Variants in PAX3 observed in about 807,000 individuals in gnomAD.
PAX3 encodes the protein paired box protein Pax-3.
PAX3 carries 14 observed loss-of-function variants against 51.6 expected under a neutral mutation model. That is an observed-to-expected ratio of 0.27 (90% CI 0.18 to 0.42). PAX3 has a LOEUF of 0.42. Ranked by LOEUF, PAX3 falls within the 10% of genes least tolerant of loss-of-function variation. The pLI is 1.00. For missense variants in PAX3, 540 were observed against 642.8 expected (o/e 0.84, Z 1.73); for synonymous variants, 280 against 253.4 (o/e 1.11, Z -1.00).
intron 4 of PAX3, among the ~76,000 whole-genome samples, chr2:222,234,844 G>A (rs865925639): frequency 2.6e-5 from 4 of 152,108 alleles, no homozygotes; most frequent in East Asian, 3.8e-4. Flanking sequence ...AACAAATTAC[G>A]TATTCCCCTA....
intron 4 of PAX3, among the ~76,000 whole-genome samples, chr2:222,286,288 G>A (rs181856222): frequency 9.2e-5 from 14 of 152,340 alleles, no homozygotes; most frequent in Admixed American, 3.9e-4. Context: ...TCCAAGATGC[G>A]TGGGGAATTG....
chr2:222,264,464 T>C (rs1312028311), intron 4 of PAX3: 1 of 152,224 alleles, frequency 6.6e-6, no homozygotes, highest in East Asian at 1.9e-4. Context: ...TAGAACTAGA[T>C]AGATCTGGTG....
chr2:222,267,440 C>T (rs1694092154), intron 4 of PAX3, among the ~76,000 whole-genome samples: 1 of 152,082 alleles, frequency 6.6e-6, no homozygotes, highest in African/African-American at 2.4e-5. Context: ...TCAAAATATG[C>T]TATGTATTTT....
At chr2:222,206,231 A>G (rs1168138029) in intron 7 of PAX3, among the ~76,000 whole-genome samples, 1 of 152,066 alleles carries the variant, frequency 6.6e-6, no homozygotes, top group Non-Finnish European at 1.5e-5. Context: ...AAGGCTACCC[A>G]GTTCTGTCTC....
chr2:222,221,197 A>T, intron 6 of PAX3, 25 bp downstream of exon 6: 1 of 1,611,892 alleles, frequency 6.2e-7, no homozygotes, highest in Non-Finnish European at 8.5e-7. Context: ...GTTACTTTCT[A>T]ATCTCCTTGA....
intron 4 of PAX3, among the ~76,000 whole-genome samples, chr2:222,289,957 G>A (rs552535031): frequency 7.4e-4 from 112 of 152,274 alleles, no homozygotes; most frequent in African/African-American, 2.5e-3. Context: ...CTTGGAAAGT[G>A]GGCTGGTCTG....
At chr2:222,279,327 G>A (rs528291627) in intron 4 of PAX3, among the ~76,000 whole-genome samples, 1 of 151,536 alleles carries the variant, frequency 6.6e-6, no homozygotes, top group Non-Finnish European at 1.5e-5. Context: ...GTGTGTGTGT[G>A]TGTGGTGTAG....
chr2:222,220,310 G>A lies in PAX3; in HGVS notation c.1003C>T (p.Pro335Ser), dbSNP rs151199924. The A allele has an allele frequency of 7.2e-4, 1,169 of 1,614,090 alleles. 20 individuals are homozygous for A. The South Asian group carries it at 0.012, about 17-fold the overall frequency. Residue 335 changes from proline (P) to serine (S), a missense_variant, in exon 7 of 9, where the codon CCT (proline) becomes TCT (serine). This residue lies in a region of PAX3 where 427 missense variants were observed against 483.6 expected (regional missense o/e 0.88). Transcript: ENST00000392070. ...GTGCTTTGGTGTACAGTGCTTGGAG[G>A]AAGCGGTTGAGGTCTGTGAACGGTG... ...SSTVHRPQPL[P>S]PSTVHQSTIP...
intron 8 of PAX3, 61 bp from the exon 9 acceptor site, chr2:222,201,503 G>T: frequency 6.3e-7 from 1 of 1,595,858 alleles, no homozygotes; most frequent in Non-Finnish European, 8.6e-7. Context: ...TCAGGGGCAA[G>T]ATCAGCTACA....
At chr2:222,230,477 G>T (rs952256163) in intron 5 of PAX3, among the ~76,000 whole-genome samples, 12 of 151,928 alleles carry the variant, frequency 7.9e-5, no homozygotes, top group Non-Finnish European at 1.5e-4. Context: ...CGGGTTGATG[G>T]GTGCAGCAAA....
intron 7 of PAX3, among the ~76,000 whole-genome samples, chr2:222,202,521 A>G (rs1408993840): frequency 6.6e-6 from 1 of 152,156 alleles, no homozygotes; most frequent in Non-Finnish European, 1.5e-5. Flanking sequence ...AGAAGGGGGA[A>G]AAAAGGATGA....
intron 7 of PAX3, among the ~76,000 whole-genome samples, chr2:222,216,865 A>G (rs747756812): frequency 5.3e-5 from 8 of 152,158 alleles, no homozygotes; most frequent in Non-Finnish European, 1.2e-4. Context: ...CAATACATCA[A>G]TTTCAATGGC....
intron 5 of PAX3, among the ~76,000 whole-genome samples, chr2:222,226,085 T>G (rs1054502515): frequency 6.6e-6 from 1 of 152,218 alleles, no homozygotes; most frequent in African/African-American, 2.4e-5. Flanking sequence ...TCAAAGGCAA[T>G]TCAGCCTACA....
chr2:222,250,791 C>T (rs376005613), intron 4 of PAX3, among the ~76,000 whole-genome samples: 19 of 152,214 alleles, frequency 1.2e-4, no homozygotes, highest in South Asian at 1.2e-3. Flanking sequence ...AGTTCTGCCC[C>T]AAATGATTCA....
intron 4 of PAX3, among the ~76,000 whole-genome samples, chr2:222,259,716 C>G (rs1367155296): frequency 6.6e-6 from 1 of 152,096 alleles, no homozygotes; most frequent in Non-Finnish European, 1.5e-5. Context: ...AAATTCAGGA[C>G]TTTGAAGTCA....
chr2:222,200,812 A>G lies in PAX3; in HGVS notation c.*596T>C. 3.0e-6 allele frequency: 1 copy of G among 334,292 alleles called. No individual in the cohort carries two copies. Among genetic ancestry groups the G allele is most frequent in the Non-Finnish European group, 5.5e-6 (1 of 180,802 alleles). 20.7% of individuals were successfully genotyped at this position (334,292 alleles called of 1,614,324 possible). On this transcript the variant is annotated 3_prime_UTR_variant, in exon 9 of 9. Transcript: ENST00000392070. ...TACAGTAACAAATAATTTATTTAGG[A>G]GGTCCTTTACAGCTAGTCTAGCTTC...
At chr2:222,206,847 A>G (rs2106043529) in intron 7 of PAX3, among the ~76,000 whole-genome samples, 1 of 152,284 alleles carries the variant, frequency 6.6e-6, no homozygotes, top group South Asian at 2.1e-4. Flanking sequence ...AGCTTATCAG[A>G]AATCTAAAAT....
intron 4 of PAX3, among the ~76,000 whole-genome samples, chr2:222,277,112 G>A (rs1218371891): frequency 6.6e-6 from 1 of 152,130 alleles, no homozygotes; most frequent in East Asian, 1.9e-4. Flanking sequence ...CGGTTTTGTG[G>A]GACCTGAAGC....
chr2:222,245,062 C>T (rs1437263502), intron 4 of PAX3, among the ~76,000 whole-genome samples: 1 of 152,142 alleles, frequency 6.6e-6, no homozygotes, highest in Non-Finnish European at 1.5e-5. Context: ...GCACGAGAAT[C>T]ACTTGAAACT....
Sources: gnomAD v4.1 joint callset for allele counts (sites outside exome capture counted in the v4.1 genomes callset) on GRCh38, gnomAD v4.1.1 for gene constraint, gnomAD v4.1.1 regional missense constraint, MANE v1.5 for transcripts, NCBI Gene and HGNC (gene_info 2026-07-23, HGNC 2026-07-21) for gene names.